Variants in SMOC2 observed in about 807,000 individuals in gnomAD.
SMOC2 encodes SPARC related modular calcium binding 2, also known as SPARC-related modular calcium-binding protein 2.
In SMOC2, 39 loss-of-function variants were observed where a neutral mutation model predicts 61.4. The ratio of observed to expected loss-of-function variants is 0.64; its 90% CI spans 0.49 to 0.83. The LOEUF is 0.83. Among genes scored for constraint, SMOC2 ranks in the 40% least tolerant of loss-of-function variants. SMOC2 has a pLI of 0.00. For synonymous variants in SMOC2, 247 were observed against 239.9 expected (o/e 1.03, Z -0.27); for missense variants, 556 against 592.9 (o/e 0.94, Z 0.65).
At chr6:168,567,595 GT>G in intron 7 of SMOC2, among the ~76,000 whole-genome samples, 1 of 152,166 alleles carries the variant, frequency 6.6e-6, no homozygotes, top group East Asian at 1.9e-4. Flanking sequence ...GTTTCCAATG[GT>G]ATCTTGTAAC....
chr6:168,630,702 A>G (rs1044760279), intron 9 of SMOC2, among the ~76,000 whole-genome samples: 4 of 152,258 alleles, frequency 2.6e-5, no homozygotes, highest in Non-Finnish European at 5.9e-5. Context: ...TGGGAGAAAT[A>G]TCACTGAATT....
intron 7 of SMOC2, among the ~76,000 whole-genome samples, chr6:168,577,961 T>C (rs1296820944): frequency 6.6e-6 from 1 of 152,216 alleles, no homozygotes; most frequent in Admixed American, 6.5e-5. Context: ...TGCGTTTGAC[T>C]CTGGAGTTTG....
chr6:168,653,023 TA>T lies in SMOC2; in HGVS notation c.1085del (p.Asn362ThrfsTer28). 1 of 1,613,988 alleles carries T rather than the reference TA, an allele frequency of 6.2e-7. No homozygotes were observed. The highest frequency in any genetic ancestry group is 8.5e-7 in the Non-Finnish European group (1 of 1,179,968). ...VVHWYFKLLDKNSSGDIGKKE... is the reference protein window; with the variant it reads ...VVHWYFKLLDXNSSGDIGKKE... ...TGCACTGGTACTTCAAACTACTGGA[TA>T]AAAACTCCAGTGGAGACATCGGCAA... On this transcript the variant is annotated frameshift_variant, in exon 11 of 13. Transcript: ENST00000356284. LOFTEE classifies it high-confidence loss of function.
At chr6:168,592,680 C>CAAG (rs1785221339) in intron 7 of SMOC2, among the ~76,000 whole-genome samples, 1 of 80,134 alleles carries the variant, frequency 1.2e-5, no homozygotes, top group African/African-American at 4.3e-5. Flanking sequence ...TGAGGCCTCA[C>CAAG]GGGCATCTTT....
chr6:168,536,551 T>C (rs1052559940), intron 4 of SMOC2, among the ~76,000 whole-genome samples: 3 of 152,006 alleles, frequency 2.0e-5, no homozygotes, highest in African/African-American at 4.8e-5. Context: ...TCCTACCACT[T>C]CCAGTCATGT....
intron 1 of SMOC2, among the ~76,000 whole-genome samples, chr6:168,460,725 A>G (rs1166731594): frequency 6.6e-6 from 1 of 152,206 alleles, no homozygotes; most frequent in Admixed American, 6.5e-5. Context: ...GAAGTTGATC[A>G]TGATCTCTGT....
chr6:168,634,766 T>G (rs1056978231), intron 9 of SMOC2, among the ~76,000 whole-genome samples: 2 of 152,250 alleles, frequency 1.3e-5, no homozygotes, highest in African/African-American at 4.8e-5. Flanking sequence ...TCGTAGACAC[T>G]GTTTCTCTGT....
At chr6:168,493,577 AG>A (rs1164422864) in intron 1 of SMOC2, among the ~76,000 whole-genome samples, 1 of 152,220 alleles carries the variant, frequency 6.6e-6, no homozygotes, top group East Asian at 1.9e-4. Context: ...ACAAAGGCCA[AG>A]ATATCTTCAG....
rs564085643 is a variant in SMOC2, at chr6:168,590,711, T to C, written c.638-8107T>C. On this transcript the variant is annotated intron_variant, in intron 7 of 12. Coordinates refer to ENST00000356284, the MANE Select transcript of SMOC2 (RefSeq NM_001166412.2). ...TTCTATAAAAATGCTTTAGGCGTCGTCATACTGAATCAAGTAGACTTCATT... is the reference window on the plus strand; with the variant it reads ...TTCTATAAAAATGCTTTAGGCGTCGCCATACTGAATCAAGTAGACTTCATT... Among the ~76,000 whole-genome samples the C allele has an allele frequency of 2.0e-5, 3 of 152,330 alleles. No homozygotes were observed. In the South Asian group the frequency reaches 6.2e-4, roughly 32 times the overall value.
chr6:168,599,947 C>T (rs58602032), intron 8 of SMOC2, among the ~76,000 whole-genome samples: 23,084 of 151,198 alleles, frequency 0.15, 1,838 homozygotes, highest in East Asian at 0.18. Flanking sequence ...CCCACACTCA[C>T]ACATCCACAC....
At chr6:168,550,420 C>G (rs1314449887) in intron 7 of SMOC2, among the ~76,000 whole-genome samples, 1 of 152,192 alleles carries the variant, frequency 6.6e-6, no homozygotes, top group Admixed American at 6.5e-5. Context: ...CACACCCAAC[C>G]TGAAAAGGAC....
chr6:168,449,524 G>C (rs1237207740), intron 1 of SMOC2, among the ~76,000 whole-genome samples: 2 of 152,132 alleles, frequency 1.3e-5, no homozygotes, highest in African/African-American at 4.8e-5. Context: ...TTTTGGTTTT[G>C]GTTGTATATT....
intron 1 of SMOC2, 143 bp downstream of exon 1, chr6:168,441,597 G>C: frequency 1.7e-6 from 2 of 1,202,976 alleles, no homozygotes; most frequent in Non-Finnish European, 2.1e-6. Flanking sequence ...GCCTTCGCCT[G>C]CCGGCGAGGC....
chr6:168,575,142 C>T (rs1218213527), intron 7 of SMOC2, among the ~76,000 whole-genome samples: 1 of 152,142 alleles, frequency 6.6e-6, no homozygotes, highest in African/African-American at 2.4e-5. Context: ...ACTGGGCCTG[C>T]CTTTAGGAGC....
intron 1 of SMOC2, among the ~76,000 whole-genome samples, chr6:168,472,061 G>A (rs796768400): frequency 3.2e-4 from 49 of 152,304 alleles, no homozygotes; most frequent in African/African-American, 1.1e-3. Context: ...ATGCAGTCCA[G>A]TTTATCCATT....
intron 3 of SMOC2, among the ~76,000 whole-genome samples, chr6:168,527,248 A>T (rs1461223844): frequency 6.6e-6 from 1 of 152,086 alleles, no homozygotes; most frequent in Admixed American, 6.6e-5. Context: ...TGCAGAGTGA[A>T]CACTAAAGAG....
chr6:168,624,602 GCA>G (rs907705730), intron 9 of SMOC2, among the ~76,000 whole-genome samples: 1 of 100,362 alleles, frequency 1.0e-5, no homozygotes, highest in African/African-American at 3.8e-5. Context: ...ACACAGATGT[GCA>G]CAGACACACA....
At chr6:168,502,909 G>A (rs1216005380) in intron 1 of SMOC2, among the ~76,000 whole-genome samples, 1 of 151,566 alleles carries the variant, frequency 6.6e-6, no homozygotes, top group Non-Finnish European at 1.5e-5. Context: ...TGGGATTATA[G>A]GTGTGTGTCA....
chr6:168,485,131 T>A lies in SMOC2; in HGVS notation c.85-24784T>A, dbSNP rs557333784. On this transcript the variant is annotated intron_variant, in intron 1 of 12. Transcript: ENST00000356284. ...TATATGTATTTTACCATAATACAAA[T>A]AATTGAAAAAAATGAAACAGCATTT... is the stretch of plus-strand genomic sequence containing the variant. 2.6e-5 allele frequency among the ~76,000 whole-genome samples: 4 copies of A among 152,180 alleles called. No homozygotes were observed. In the East Asian group the frequency reaches 7.7e-4, roughly 29 times the overall value.
Sources: allele counts gnomAD v4.1 joint callset (sites outside exome capture counted in the v4.1 genomes callset), GRCh38; gene constraint gnomAD v4.1.1; transcripts MANE v1.5; gene names NCBI Gene and HGNC (gene_info 2026-07-23, HGNC 2026-07-21).